Variants in GPM6A observed in about 807,000 individuals in gnomAD.
The protein encoded by GPM6A is neuronal membrane glycoprotein M6-a.
Under a neutral mutation model 32.1 loss-of-function variants are expected in GPM6A, and 7 were observed. The observed-to-expected ratio is 0.22, with a 90% CI of 0.12 to 0.41. GPM6A has a LOEUF of 0.41. Ranked by LOEUF, GPM6A falls within the 10% of genes least tolerant of loss-of-function variation. The pLI is 1.00. For synonymous variants in GPM6A, 130 were observed against 123.4 expected (o/e 1.05, Z -0.35); for missense variants, 235 against 347.2 (o/e 0.68, Z 2.57).
chr4:175,935,186 C>T (rs1310805718), intron 1 of GPM6A, among the ~76,000 whole-genome samples: 1 of 152,144 alleles, frequency 6.6e-6, no homozygotes, highest in Admixed American at 6.5e-5. Context: ...GATGTTTGGA[C>T]AGTGTGACTC....
intron 1 of GPM6A, among the ~76,000 whole-genome samples, chr4:175,900,259 G>A (rs1442505737): frequency 1.5e-5 from 2 of 136,144 alleles, no homozygotes; most frequent in Non-Finnish European, 3.1e-5. Context: ...GGTGACAAGA[G>A]CAAGACTCTG....
intron 1 of GPM6A, among the ~76,000 whole-genome samples, chr4:175,825,498 AG>A (rs1283272326): frequency 1.3e-5 from 2 of 152,182 alleles, no homozygotes; most frequent in African/African-American, 2.4e-5. Context: ...GGAATGTAAG[AG>A]GCCAAATAAA....
Position 175,640,159 on chromosome 4 carries a change from A to G in GPM6A, c.654T>C (p.Leu218=). The G allele has an allele frequency of 6.8e-6, 11 of 1,613,914 alleles. No individual in the cohort carries two copies. Among genetic ancestry groups the G allele is most frequent in the Non-Finnish European group, 9.3e-6 (11 of 1,179,806 alleles). The part of the protein sequence containing the change: ...NMTFHLFIVA[L]AGAGAAVIAM... ...CAATGACTGCTGCCCCAGCTCCAGC[A>G]AGTGCCACAATAAACAAGTGGAAGG... is the stretch of plus-strand genomic sequence containing the variant. The change falls in exon 6 of 7, where the codon CTT becomes CTC. Residue 218 remains leucine (L), a synonymous_variant. Transcript: ENST00000393658.
Position 175,673,770 on chromosome 4 carries a change from C to T in GPM6A, c.297G>A (p.Leu99=). Residue 99 remains leucine (L), a synonymous_variant, in exon 3 of 7, where the codon CTG becomes CTA. Coordinates refer to ENST00000393658, the MANE Select transcript of GPM6A (RefSeq NM_201591.3). The stretch of plus-strand genomic sequence containing the variant: ...CAGTTGTGAAGAAACCTTCCACCAT[C>T]AGCAAAATGCCATACACAAAGAACG... ...AAAFFVYGIL[L]MVEGFFTTGA... 1.9e-6 allele frequency: 3 copies of T among 1,612,654 alleles called. No individual in the cohort carries two copies. In the South Asian group the frequency reaches 3.3e-5, roughly 18 times the overall value.
chr4:175,743,318 C>G (rs1002014197), intron 1 of GPM6A, among the ~76,000 whole-genome samples: 4 of 150,492 alleles, frequency 2.7e-5, no homozygotes, highest in African/African-American at 9.8e-5. Flanking sequence ...GAAATTAGTA[C>G]GTTTTATTTA....
chr4:175,994,728 G>C (rs114848076), intron 1 of GPM6A, among the ~76,000 whole-genome samples: 38 of 152,216 alleles, frequency 2.5e-4, no homozygotes, highest in African/African-American at 8.4e-4. Context: ...AATTGCATTT[G>C]TCTTATTTTA....
chr4:175,729,380 G>A (rs1044994337), intron 1 of GPM6A, among the ~76,000 whole-genome samples: 1 of 152,094 alleles, frequency 6.6e-6, no homozygotes, highest in Non-Finnish European at 1.5e-5. Flanking sequence ...GCCAGGAAAT[G>A]CACCTTGACC....
rs35210127 is a variant in GPM6A at position 175,889,518 on chromosome 4, CAA to C, written c.-22-77271_-22-77270del. ...GAGTGACAGAGCAAAACCCTGTCTC[CAA>C]AAAAAAAAAAAGAGGCCAGGCGCAG... is the stretch of plus-strand genomic sequence containing the variant. On this transcript the variant is annotated intron_variant, in intron 1 of 7. Transcript: ENST00000280187. Among the ~76,000 whole-genome samples, 903 of 136,948 alleles carry C rather than the reference CAA, an allele frequency of 6.6e-3. 17 individuals are homozygous for C. The highest frequency in any genetic ancestry group is 0.023 in the African/African-American group (810 of 35,112). 89.8% of individuals were successfully genotyped at this position (136,948 alleles called of 152,430 possible). A position where few individuals can be genotyped will look rare whatever the true frequency, so the allele number is the denominator to read the frequency against.
chr4:175,667,731 T>C (rs1319752676), intron 3 of GPM6A, among the ~76,000 whole-genome samples: 2 of 152,154 alleles, frequency 1.3e-5, no homozygotes, highest in African/African-American at 4.8e-5. Context: ...TAAAAATTAC[T>C]TTAGGATTAT....
At chr4:175,795,118 A>G (rs1184769364) in intron 1 of GPM6A, among the ~76,000 whole-genome samples, 1 of 152,222 alleles carries the variant, frequency 6.6e-6, no homozygotes, top group African/African-American at 2.4e-5. Context: ...CATTAAATAT[A>G]GAGGAAAGTG....
chr4:175,715,469 C>T (rs192680362), intron 1 of GPM6A, among the ~76,000 whole-genome samples: 5 of 152,212 alleles, frequency 3.3e-5, no homozygotes, highest in Admixed American at 2.6e-4. Context: ...TAGCATGCCT[C>T]GAACTGCTGA....
chr4:175,772,628 GA>G (rs929897087), intron 1 of GPM6A, among the ~76,000 whole-genome samples: 13 of 151,044 alleles, frequency 8.6e-5, no homozygotes, highest in Admixed American at 1.3e-4. Flanking sequence ...GAGGAAAGAG[GA>G]AAAAAAAATT....
chr4:175,996,558 A>G (rs1423064665), intron 1 of GPM6A, among the ~76,000 whole-genome samples: 1 of 152,210 alleles, frequency 6.6e-6, no homozygotes, highest in East Asian at 1.9e-4. Flanking sequence ...CTTCAGACTC[A>G]AGGGAAAATA....
At chr4:175,988,913 G>A (rs1741056191) in intron 1 of GPM6A, among the ~76,000 whole-genome samples, 1 of 152,120 alleles carries the variant, frequency 6.6e-6, no homozygotes, top group South Asian at 2.1e-4. Context: ...TAAATAAACA[G>A]TGAGATACAG....
chr4:175,890,410 G>A (rs541761321), intron 1 of GPM6A, among the ~76,000 whole-genome samples: 3 of 152,140 alleles, frequency 2.0e-5, no homozygotes, highest in African/African-American at 4.8e-5. Context: ...GAATGTCCAC[G>A]TATATTTAGG....
chr4:175,904,806 T>G (rs1292324408), intron 1 of GPM6A, among the ~76,000 whole-genome samples: 1 of 152,174 alleles, frequency 6.6e-6, no homozygotes, highest in Non-Finnish European at 1.5e-5. Context: ...GAATTACTCA[T>G]GTAAGATACA....
chr4:175,817,408 A>C (rs187398245), intron 1 of GPM6A, among the ~76,000 whole-genome samples: 1 of 152,366 alleles, frequency 6.6e-6, no homozygotes, highest in East Asian at 1.9e-4. Context: ...TTCCTGCCCT[A>C]ATTAGGCCTA....
intron 1 of GPM6A, among the ~76,000 whole-genome samples, chr4:175,896,938 T>G (rs73010175): frequency 0.034 from 5,231 of 152,192 alleles, 266 homozygotes; most frequent in African/African-American, 0.12. Flanking sequence ...CAGGGAAAAT[T>G]ATTATATTCA....
intron 1 of GPM6A, among the ~76,000 whole-genome samples, chr4:175,839,179 A>G (rs957706890): frequency 1.3e-5 from 2 of 152,236 alleles, no homozygotes; most frequent in Admixed American, 6.5e-5. Flanking sequence ...TTGAAAAAGA[A>G]GAATTTGACT....
Sources: allele counts gnomAD v4.1 joint callset (sites outside exome capture counted in the v4.1 genomes callset), GRCh38; gene constraint gnomAD v4.1.1; transcripts MANE v1.5; gene names NCBI Gene and HGNC (gene_info 2026-07-23, HGNC 2026-07-21).